The following SCAI variants were observed in gnomAD, a reference collection of about 807,000 sequenced individuals.
SCAI encodes protein SCAI.
In SCAI, 24 loss-of-function variants were observed where a neutral mutation model predicts 92.2. The ratio of observed to expected loss-of-function variants is 0.26; its 90% CI spans 0.19 to 0.37. The LOEUF (loss-of-function observed/expected upper bound fraction) is 0.37, where lower values mean the gene tolerates loss of function less well. Among genes scored for constraint, SCAI ranks in the 10% least tolerant of loss-of-function variants. SCAI has a pLI of 1.00. For synonymous variants in SCAI, 261 were observed against 258.6 expected (o/e 1.01, Z -0.09); for missense variants, 450 against 736.2 (o/e 0.61, Z 4.50).
chr9:125,030,160 T>C (rs776323311), intron 3 of SCAI, among the ~76,000 whole-genome samples: 1 of 152,224 alleles, frequency 6.6e-6, no homozygotes, highest in African/African-American at 2.4e-5. Context: ...TCTGCACTAT[T>C]CTATCCTCTC....
intron 2 of SCAI, among the ~76,000 whole-genome samples, chr9:125,126,271 C>T (rs1835270967): frequency 6.6e-6 from 1 of 152,216 alleles, no homozygotes; most frequent in African/African-American, 2.4e-5. Context: ...GCCTCACTTC[C>T]TCACCACATG....
chr9:125,091,299 C>A lies in SCAI; in HGVS notation c.99-35292G>T, dbSNP rs1834424357. ...AACCAGATTCTCCAGTCTTTCCATC[C>A]ATGCTGTGAGGTACTTGACAACTTT... On this transcript the variant is annotated intron_variant, in intron 2 of 17. Coordinates refer to ENST00000336505, the MANE Select transcript of SCAI (RefSeq NM_001144877.3). The surrounding 1 kb of genome is among the most constrained non-coding windows in gnomAD (Gnocchi z 4.3). Among the ~76,000 whole-genome samples, 1 of 152,186 alleles carries A rather than the reference C, an allele frequency of 6.6e-6. No individual in the cohort carries two copies. Among genetic ancestry groups the A allele is most frequent in the African/African-American group, 2.4e-5 (1 of 41,434 alleles).
intron 14 of SCAI, among the ~76,000 whole-genome samples, chr9:124,991,487 T>C (rs1588137098): frequency 6.7e-6 from 1 of 149,596 alleles, no homozygotes; most frequent in Non-Finnish European, 1.5e-5. Context: ...ATAAAACATA[T>C]ATAGCAAAGA....
intron 2 of SCAI, among the ~76,000 whole-genome samples, chr9:125,061,906 G>A (rs1392330123): frequency 6.6e-6 from 1 of 151,994 alleles, no homozygotes. Flanking sequence ...AAAAAATATA[G>A]AGCAAGGGTA....
chr9:124,976,639 G>GA (rs1345144952), intron 14 of SCAI, among the ~76,000 whole-genome samples: 1 of 152,100 alleles, frequency 6.6e-6, no homozygotes, highest in Non-Finnish European at 1.5e-5. Flanking sequence ...ACCAGAATGT[G>GA]AATCTGTGAT....
chr9:125,128,042 G>C (rs1245518067), intron 2 of SCAI, among the ~76,000 whole-genome samples: 1 of 151,858 alleles, frequency 6.6e-6, no homozygotes, highest in Non-Finnish European at 1.5e-5. Flanking sequence ...GGTGCAGTGA[G>C]TGGCTCACAG....
intron 2 of SCAI, among the ~76,000 whole-genome samples, chr9:125,082,903 A>C (rs1161345423): frequency 6.6e-6 from 1 of 152,164 alleles, no homozygotes; most frequent in Non-Finnish European, 1.5e-5. Context: ...CCTTGTCTTG[A>C]ATGAAACTTT....
At chr9:125,117,933 A>C (rs1162980571) in intron 2 of SCAI, among the ~76,000 whole-genome samples, 1 of 152,102 alleles carries the variant, frequency 6.6e-6, no homozygotes, top group Non-Finnish European at 1.5e-5. Flanking sequence ...TTAATTTCCT[A>C]AGTCTCAGTT....
intron 17 of SCAI, 85 bp downstream of exon 17, chr9:124,971,285 C>T: frequency 6.2e-6 from 4 of 643,464 alleles, no homozygotes; most frequent in Admixed American, 2.9e-5. Context: ...TTATTATAAC[C>T]TTATTTTATA....
intron 2 of SCAI, among the ~76,000 whole-genome samples, chr9:125,118,015 A>C (rs1023243494): frequency 5.9e-5 from 9 of 152,154 alleles, no homozygotes; most frequent in African/African-American, 2.2e-4. Flanking sequence ...CCTAATAAGC[A>C]CTAGCACTCT....
chr9:124,981,361 C>T (rs548190830), intron 14 of SCAI, among the ~76,000 whole-genome samples: 1 of 152,188 alleles, frequency 6.6e-6, no homozygotes, highest in East Asian at 1.9e-4. Context: ...TCTACTAATC[C>T]GAACAACTCT....
intron 2 of SCAI, among the ~76,000 whole-genome samples, chr9:125,081,216 C>T (rs963898993): frequency 5.9e-5 from 9 of 152,196 alleles, no homozygotes; most frequent in Non-Finnish European, 1.3e-4. Context: ...GACTTTGGAA[C>T]TGGATAACAG....
At chr9:125,112,674 C>T (rs569483941) in intron 2 of SCAI, among the ~76,000 whole-genome samples, 5 of 152,202 alleles carry the variant, frequency 3.3e-5, no homozygotes, top group Non-Finnish European at 7.3e-5. Context: ...TAGCAACAAA[C>T]ACACCTAACA....
chr9:125,019,597 C>T (rs1832828642), intron 7 of SCAI, among the ~76,000 whole-genome samples: 2 of 151,652 alleles, frequency 1.3e-5, no homozygotes, highest in South Asian at 2.1e-4. Flanking sequence ...GCCAAGATTT[C>T]GAGAGCAGCC....
At chr9:125,126,442 C>A (rs558245933) in intron 2 of SCAI, among the ~76,000 whole-genome samples, 1 of 151,108 alleles carries the variant, frequency 6.6e-6, no homozygotes, top group Admixed American at 6.6e-5. Flanking sequence ...AGAGAACACA[C>A]ATGCAAGGCA....
chr9:125,045,739 A>G (rs917045695), intron 3 of SCAI, among the ~76,000 whole-genome samples: 2 of 152,134 alleles, frequency 1.3e-5, no homozygotes, highest in Non-Finnish European at 2.9e-5. Flanking sequence ...ATAATCTATC[A>G]CATTAACATA....
At chr9:125,142,763 T>A in intron 1 of SCAI, 86 bp from the exon 2 acceptor site, 1 of 1,151,322 alleles carries the variant, frequency 8.7e-7, no homozygotes, top group South Asian at 1.2e-5. Context: ...AAGAACTAAA[T>A]AGACCACCCT....
intron 2 of SCAI, among the ~76,000 whole-genome samples, chr9:125,114,674 C>T (rs1835000146): frequency 6.6e-6 from 1 of 151,672 alleles, no homozygotes; most frequent in Non-Finnish European, 1.5e-5. Flanking sequence ...GGCATGATCA[C>T]AGCTCACACC....
intron 2 of SCAI, chr9:125,066,089 A>C (rs1346681782): frequency 8.3e-6 from 6 of 720,796 alleles, no homozygotes; most frequent in Non-Finnish European, 1.5e-5. Context: ...AAGAAAACAA[A>C]GATATAAGCT....
Sources: gnomAD v4.1 joint callset for allele counts (sites outside exome capture counted in the v4.1 genomes callset) on GRCh38, gnomAD v4.1.1 for gene constraint, Gnocchi (gnomAD v3.1) non-coding constraint, MANE v1.5 for transcripts, NCBI Gene and HGNC (gene_info 2026-07-23, HGNC 2026-07-21) for gene names.